CA10: variants seen among roughly 807,000 people sequenced by gnomAD.
The protein encoded by CA10 is carbonic anhydrase 10 (inactive), also known as carbonic anhydrase-related protein 10.
In CA10, 14 loss-of-function variants were observed where a neutral mutation model predicts 44.2. The ratio of observed to expected loss-of-function variants is 0.32; its 90% CI spans 0.21 to 0.50. CA10 has a LOEUF of 0.50. CA10 is among the 20% of genes least tolerant of loss of function. The pLI is 0.99. For synonymous variants in CA10, 159 were observed against 141.6 expected (o/e 1.12, Z -0.87); for missense variants, 350 against 409.7 (o/e 0.85, Z 1.26).
At chr17:51,807,207 C>T (rs962338630) in intron 3 of CA10, among the ~76,000 whole-genome samples, 7 of 152,142 alleles carry the variant, frequency 4.6e-5, no homozygotes, top group African/African-American at 1.2e-4. Context: ...CCATGGTGAA[C>T]GCTTCTGAAG....
At chr17:51,796,484 G>A (rs973629603) in intron 3 of CA10, among the ~76,000 whole-genome samples, 1 of 152,152 alleles carries the variant, frequency 6.6e-6, no homozygotes, top group African/African-American at 2.4e-5. Flanking sequence ...ATGGGGTGGG[G>A]GAGATAGGGA....
intron 4 of CA10, among the ~76,000 whole-genome samples, chr17:51,663,741 G>A (rs1425441041): frequency 6.6e-6 from 1 of 152,142 alleles, no homozygotes; most frequent in Non-Finnish European, 1.5e-5. Flanking sequence ...CTGGCTGCTG[G>A]GGCTCTGATA....
At chr17:51,990,519 T>C (rs1206385714) in intron 2 of CA10, among the ~76,000 whole-genome samples, 3 of 151,998 alleles carry the variant, frequency 2.0e-5, no homozygotes, top group Non-Finnish European at 4.4e-5. Flanking sequence ...ATAAAGGAAG[T>C]AGGAGAGGAG....
chr17:51,790,391 T>A (rs979131053), intron 3 of CA10, among the ~76,000 whole-genome samples: 2 of 152,138 alleles, frequency 1.3e-5, no homozygotes, highest in African/African-American at 4.8e-5. Flanking sequence ...AGTTAATAAA[T>A]CTCTGGCTGA....
intron 3 of CA10, among the ~76,000 whole-genome samples, chr17:51,754,514 C>T (rs1426362312): frequency 6.9e-6 from 1 of 145,850 alleles, no homozygotes; most frequent in Non-Finnish European, 1.5e-5. Flanking sequence ...AGTCCAAAAG[C>T]CTGCAGGCTG....
intron 3 of CA10, among the ~76,000 whole-genome samples, chr17:51,770,313 C>A (rs1298968801): frequency 3.3e-5 from 5 of 151,502 alleles, no homozygotes; most frequent in African/African-American, 1.2e-4. Context: ...AGCAAGTTAC[C>A]AAATATGGCT....
chr17:51,842,078 T>C, intron 3 of CA10, among the ~76,000 whole-genome samples: 1 of 152,360 alleles, frequency 6.6e-6, no homozygotes, highest in South Asian at 2.1e-4. Flanking sequence ...ATTCCTGTGA[T>C]AGTCTGAGAC....
chr17:52,095,176 G>A (rs1392424546), intron 1 of CA10, among the ~76,000 whole-genome samples: 3 of 152,138 alleles, frequency 2.0e-5, no homozygotes, highest in Non-Finnish European at 4.4e-5. Flanking sequence ...CAACATAGGT[G>A]AGTCTCAGGT....
intron 1 of CA10, among the ~76,000 whole-genome samples, chr17:52,139,220 AT>A (rs772306809): frequency 6.6e-6 from 1 of 152,146 alleles, no homozygotes; most frequent in Non-Finnish European, 1.5e-5. Context: ...AGCAAGAGAG[AT>A]TTTGATTACT....
intron 4 of CA10, among the ~76,000 whole-genome samples, chr17:51,680,177 T>G (rs1003918982): frequency 1.3e-5 from 2 of 152,202 alleles, no homozygotes; most frequent in Non-Finnish European, 2.9e-5. Flanking sequence ...CCAGTTGTAT[T>G]CATCAGGGAA....
At chr17:51,810,687 C>T (rs2143738008) in intron 3 of CA10, among the ~76,000 whole-genome samples, 1 of 152,218 alleles carries the variant, frequency 6.6e-6, no homozygotes, top group South Asian at 2.1e-4. Context: ...ATGATCAAAT[C>T]AGCATTTAAA....
At chr17:51,880,009 GC>G (rs1224113281) in intron 3 of CA10, among the ~76,000 whole-genome samples, 1 of 152,182 alleles carries the variant, frequency 6.6e-6, no homozygotes, top group Non-Finnish European at 1.5e-5. Context: ...CTCTAAGCAT[GC>G]CTTTCATATG....
chr17:52,034,970 G>T (rs886198702), intron 2 of CA10, among the ~76,000 whole-genome samples: 3 of 152,044 alleles, frequency 2.0e-5, no homozygotes, highest in Non-Finnish European at 4.4e-5. Flanking sequence ...TATCACACTG[G>T]GCTCACAACA....
intron 3 of CA10, among the ~76,000 whole-genome samples, chr17:51,873,592 T>C (rs1341638853): frequency 6.6e-6 from 1 of 152,234 alleles, no homozygotes; most frequent in Non-Finnish European, 1.5e-5. Flanking sequence ...TTTTTGCTTT[T>C]TGGCTTTCTT....
intron 3 of CA10, among the ~76,000 whole-genome samples, chr17:51,866,865 G>A (rs184979638): frequency 6.6e-6 from 1 of 152,110 alleles, no homozygotes; most frequent in African/African-American, 2.4e-5. Flanking sequence ...TTTAATGCAA[G>A]TTAGATAATT....
At chr17:52,105,457 G>A (rs554874820) in intron 1 of CA10, among the ~76,000 whole-genome samples, 15 of 152,090 alleles carry the variant, frequency 9.9e-5, no homozygotes, top group Non-Finnish European at 1.3e-4. Flanking sequence ...GGGTTTCACC[G>A]TGTTAGCCAG....
intron 3 of CA10, among the ~76,000 whole-genome samples, chr17:51,928,904 T>C (rs1304540726): frequency 6.6e-6 from 1 of 152,194 alleles, no homozygotes; most frequent in Non-Finnish European, 1.5e-5. Flanking sequence ...AACTATATTT[T>C]ATTTTCTACC....
At chr17:51,811,330 T>C (rs1455724495) in intron 3 of CA10, among the ~76,000 whole-genome samples, 1 of 152,222 alleles carries the variant, frequency 6.6e-6, no homozygotes. Flanking sequence ...AGGGTACATG[T>C]GCACAACGTG....
At chr17:51,658,582 G>GAGAT (rs1406164587) in intron 4 of CA10, among the ~76,000 whole-genome samples, 1 of 152,172 alleles carries the variant, frequency 6.6e-6, no homozygotes, top group Admixed American at 6.5e-5. Flanking sequence ...CAAAGAGCCT[G>GAGAT]AGATAGGGAC....
Sources: allele counts gnomAD v4.1 joint callset (sites outside exome capture counted in the v4.1 genomes callset), GRCh38; gene constraint gnomAD v4.1.1; transcripts MANE v1.5; gene names NCBI Gene and HGNC (gene_info 2026-07-23, HGNC 2026-07-21).